ARRB1: variants seen among roughly 807,000 people sequenced by gnomAD.
ARRB1 encodes the protein beta-arrestin-1.
In ARRB1, 21 loss-of-function variants were observed where a neutral mutation model predicts 56.8. The observed-to-expected ratio is 0.37, with a 90% CI of 0.26 to 0.53. ARRB1 has a LOEUF of 0.53. Ranked by LOEUF, ARRB1 falls within the 20% of genes least tolerant of loss-of-function variation. The pLI is 0.88. For synonymous variants in ARRB1, 210 were observed against 218.6 expected, an observed-to-expected ratio of 0.96 and a Z score of 0.35; for missense variants, 424 against 553.7, an observed-to-expected ratio of 0.77 and a Z score of 2.35.
In ARRB1 at chr11:75,283,160, C is replaced by T. The variant is rs947726992; in HGVS notation, c.354+127G>A. Reference sequence around the variant, plus strand: ...TAACACAGGTGACAGTGCCCCAGGTCCCAGCATACACTGGGAAACTGGGTG... The same window carrying T: ...TAACACAGGTGACAGTGCCCCAGGTTCCAGCATACACTGGGAAACTGGGTG... On this transcript the variant is annotated intron_variant, in intron 5 of 15. Coordinates refer to ENST00000420843, the MANE Select transcript of ARRB1 (RefSeq NM_004041.5). 5 of 998,018 alleles carry T rather than the reference C, an allele frequency of 5.0e-6. No homozygotes were observed. In the African/African-American group the frequency reaches 8.2e-5, roughly 16 times the overall value. The allele number at this position is 998,018 out of a possible 1,614,324, so 61.8% of individuals were successfully genotyped here.
intron 1 of ARRB1, among the ~76,000 whole-genome samples, chr11:75,309,697 G>C (rs887586434): frequency 6.6e-6 from 1 of 152,230 alleles, no homozygotes; most frequent in African/African-American, 2.4e-5. Context: ...GGAGACCAGA[G>C]TGCTGAGCAG....
Position 75,306,154 on chromosome 11 carries a change from C to T in ARRB1, c.21-16115G>A, listed in dbSNP as rs570562857. Reference sequence around the variant, plus strand: ...CCTGACTCCCCATCCCTGCTCTGTGCCCAGCTCTCAGGAGACTCCAGAGCT... The same window carrying T: ...CCTGACTCCCCATCCCTGCTCTGTGTCCAGCTCTCAGGAGACTCCAGAGCT... On this transcript the variant is annotated intron_variant, in intron 1 of 15. Coordinates refer to ENST00000420843, the MANE Select transcript of ARRB1 (RefSeq NM_004041.5). Among the ~76,000 whole-genome samples, 5 of 152,288 alleles carry T rather than the reference C, an allele frequency of 3.3e-5. No homozygotes were observed. The South Asian group carries it at 1.0e-3, about 32-fold the overall frequency.
intron 1 of ARRB1, among the ~76,000 whole-genome samples, chr11:75,329,942 G>T (rs1215529102): frequency 6.6e-6 from 1 of 152,018 alleles, no homozygotes. Context: ...CGAGGCTGCA[G>T]TGAGATGTGA....
intron 3 of ARRB1, 70 bp downstream of exon 3, chr11:75,287,245 A>G: frequency 6.7e-7 from 1 of 1,489,644 alleles, no homozygotes; most frequent in Admixed American, 2.1e-5. Context: ...TGGAGAGCTG[A>G]GAGCTATTTC....
At chr11:75,348,602 T>TA (rs976795998) in intron 1 of ARRB1, among the ~76,000 whole-genome samples, 15 of 152,138 alleles carry the variant, frequency 9.9e-5, no homozygotes, top group African/African-American at 3.1e-4. Context: ...AGGTATTTTT[T>TA]TTTTTTATTT....
chr11:75,278,871 A>G, intron 7 of ARRB1, 127 bp from the exon 8 acceptor site: 1 of 1,328,036 alleles, frequency 7.5e-7, no homozygotes, highest in South Asian at 1.4e-5. Context: ...GAATCCAGCC[A>G]AACTGCAGAG....
chr11:75,282,947 T>G (rs1054205982), intron 5 of ARRB1, among the ~76,000 whole-genome samples: 1 of 152,180 alleles, frequency 6.6e-6, no homozygotes, highest in African/African-American at 2.4e-5. Context: ...GCCGGGCAAG[T>G]GGGGAGCTGA....
At chr11:75,278,038 G>A (rs910514034) in intron 8 of ARRB1, among the ~76,000 whole-genome samples, 2 of 152,220 alleles carry the variant, frequency 1.3e-5, no homozygotes, top group African/African-American at 2.4e-5. Flanking sequence ...AGCTCACTGA[G>A]GGAGCCAGCT....
intron 1 of ARRB1, among the ~76,000 whole-genome samples, chr11:75,330,055 G>A (rs1947496206): frequency 6.6e-6 from 1 of 151,362 alleles, no homozygotes; most frequent in Non-Finnish European, 1.5e-5. Flanking sequence ...ACATGACAGA[G>A]GCCTGACAAA....
chr11:75,278,569 T>C, intron 8 of ARRB1, 40 bp downstream of exon 8: 1 of 1,612,822 alleles, frequency 6.2e-7, no homozygotes, highest in Non-Finnish European at 8.5e-7. Flanking sequence ...CAGGCCCTGG[T>C]GGAGCAGCCC....
intron 10 of ARRB1, among the ~76,000 whole-genome samples, chr11:75,275,123 A>ATTTTAT: frequency 7.2e-6 from 1 of 137,956 alleles, no homozygotes; most frequent in East Asian, 2.1e-4. Context: ...TTTAATTTAA[A>ATTTTAT]TTTATTTTAT....
At chr11:75,271,835 C>G (rs1946080055) in intron 12 of ARRB1, 111 bp from the exon 13 acceptor site, 8 of 1,179,832 alleles carry the variant, frequency 6.8e-6, no homozygotes, top group Non-Finnish European at 9.5e-6. Flanking sequence ...AGAGAAGACC[C>G]ACGGGACACA....
rs970585928 is a variant in ARRB1 at position 75,348,198 on chromosome 11, C to T, written c.20+3390G>A. On this transcript the variant is annotated intron_variant, in intron 1 of 15. Transcript: ENST00000420843. ...TCCCCAGCCCAGGCCCCAGGCTGCA[C>T]GCCTTGCTTCCTGCCTCCAAGCCAC... 3.3e-5 allele frequency among the ~76,000 whole-genome samples: 5 copies of T among 152,208 alleles called. No individual in the cohort carries two copies. In the South Asian group the frequency reaches 1.0e-3, roughly 32 times the overall value.
intron 7 of ARRB1, among the ~76,000 whole-genome samples, chr11:75,279,223 C>A (rs951609347): frequency 5.9e-5 from 9 of 152,200 alleles, no homozygotes; most frequent in African/African-American, 2.2e-4. Flanking sequence ...AAACAACTGC[C>A]AGATATCTAT....
chr11:75,344,118 G>A (rs1381101209), intron 1 of ARRB1, among the ~76,000 whole-genome samples: 1 of 152,162 alleles, frequency 6.6e-6, no homozygotes. Context: ...CCCTGGACCT[G>A]CTACAGATGC....
chr11:75,320,379 G>C (rs543650631), intron 1 of ARRB1, among the ~76,000 whole-genome samples: 1 of 152,216 alleles, frequency 6.6e-6, no homozygotes, highest in Non-Finnish European at 1.5e-5. Flanking sequence ...AAACTCCTCC[G>C]CCTCCTCCTT....
chr11:75,290,184 T>A (rs1440638572), intron 1 of ARRB1, 145 bp from the exon 2 acceptor site: 1 of 910,650 alleles, frequency 1.1e-6, no homozygotes. Flanking sequence ...ACAGTGCCCA[T>A]GTAATCCGCT....
intron 7 of ARRB1, among the ~76,000 whole-genome samples, chr11:75,280,689 G>A (rs995344673): frequency 1.3e-5 from 2 of 152,236 alleles, no homozygotes; most frequent in African/African-American, 2.4e-5. Flanking sequence ...CCTGCTGAAC[G>A]CCTCCCAGGA....
chr11:75,301,291 G>A (rs1946899041), intron 1 of ARRB1, among the ~76,000 whole-genome samples: 1 of 152,238 alleles, frequency 6.6e-6, no homozygotes. Flanking sequence ...CGAGCCTCTG[G>A]TGTGGCTGGA....
Sources: gnomAD v4.1 joint callset for allele counts (sites outside exome capture counted in the v4.1 genomes callset) on GRCh38, gnomAD v4.1.1 for gene constraint, MANE v1.5 for transcripts, NCBI Gene and HGNC (gene_info 2026-07-23, HGNC 2026-07-21) for gene names.